The following LRFN1 variants were observed in gnomAD, a reference collection of about 807,000 sequenced individuals.
The protein encoded by LRFN1 is leucine-rich repeat and fibronectin type III domain-containing protein 1.
LRFN1 carries 20 observed loss-of-function variants against 31.8 expected under a neutral mutation model. The observed-to-expected ratio is 0.63, with a 90% CI of 0.44 to 0.91. The LOEUF (loss-of-function observed/expected upper bound fraction) is 0.91, where lower values mean the gene tolerates loss of function less well. Among genes scored for constraint, LRFN1 ranks in the 40% least tolerant of loss-of-function variants. The pLI, the probability that LRFN1 is intolerant of heterozygous loss-of-function variation, is 0.00. For missense variants in LRFN1, 912 were observed against 1,129.8 expected (o/e 0.81, Z 2.76); for synonymous variants, 514 against 541.3 (o/e 0.95, Z 0.70).
intron 4 of LRFN1, among the ~76,000 whole-genome samples, chr19:39,313,390 G>C (rs2075157618): frequency 6.6e-6 from 1 of 152,182 alleles, no homozygotes; most frequent in Non-Finnish European, 1.5e-5. Flanking sequence ...ACTTAGCTGG[G>C]TGTGTTGGTG....
Position 39,308,673 on chromosome 19 carries a change from G to A in LRFN1, c.1407-131C>T. On this transcript the variant is annotated intron_variant, in intron 4 of 4. Transcript: ENST00000248668. This position sits in a 1 kb window ranked among gnomAD's most constrained non-coding sequence, Gnocchi z 6.2. The stretch of plus-strand genomic sequence containing the variant: ...AGTCTCAGCCGCTACTGAGACAACA[G>A]CAGCAATTCAAGCCCCGCCTCCATC... 1.2e-6 allele frequency: 1 copy of A among 811,120 alleles called. No individual in the cohort carries two copies. Among genetic ancestry groups the A allele is most frequent in the Non-Finnish European group, 1.9e-6 (1 of 529,214 alleles). The allele number at this position is 811,120 out of a possible 1,614,324, so 50.2% of individuals were successfully genotyped here.
In LRFN1 at chr19:39,314,506, C is replaced by T. The variant is rs761845250; in HGVS notation, c.831G>A (p.Thr277=). The T allele has an allele frequency of 4.3e-6, 7 of 1,610,152 alleles. No individual in the cohort carries two copies. The highest frequency in any genetic ancestry group is 4.0e-5 in the African/African-American group (3 of 74,888). ...TREDDLETCA[T]PEHLTDRYFW... is the part of the protein sequence containing the mutation. ...AGTAGCGGTCGGTGAGGTGTTCGGG[C>T]GTGGCGCAGGTCTCTAAGTCGTCCT... Residue 277 remains threonine (T), a synonymous_variant, in exon 4 of 5, where the codon ACG becomes ACA. Transcript: ENST00000248668.
Position 39,315,036 on chromosome 19 carries a change from T to C in LRFN1, c.301A>G (p.Ile101Val), listed in dbSNP as rs747827993. The stretch of plus-strand genomic sequence containing the variant: ...AAGGCGCCAGCTGCCACCTGGCCGA[T>C]GGTGTTCCGGGAGAGAGTGAGGTGC... ...LVHLTLSRNT[I>V]GQVAAGAFAD... The change falls in exon 4 of 5, where the codon ATC (isoleucine) becomes GTC (valine). Residue 101 changes from isoleucine to valine, a missense_variant. Around this residue, in one of 2 missense-constraint regions of LRFN1, gnomAD observed 401 missense variants for 572.7 expected, o/e 0.70. Transcript: ENST00000248668. The surrounding 1 kb of genome is among the most constrained non-coding windows in gnomAD (Gnocchi z 4.7). 6.3e-7 allele frequency: 1 copy of C among 1,595,264 alleles called. No homozygotes were observed.
rs774943179 is a variant in LRFN1 at position 39,315,311 on chromosome 19, G to A, written c.26C>T (p.Ala9Val). ...GGCAGCGGGCGGCGGCGAGAGGAGG[G>A]CCGAGGAGAAGGGTCCTGGAGCCAT... is the stretch of plus-strand genomic sequence containing the variant. The part of the protein sequence containing the change: MAPGPFSS[A>V]LLSPPPAALP... The change falls in exon 4 of 5, where the codon GCC becomes GTC. Residue 9 changes from alanine to valine, a missense_variant. By Grantham distance (64) the Ala-to-Val change is moderately conservative. Transcript: ENST00000248668. This position sits in a 1 kb window ranked among gnomAD's most constrained non-coding sequence, Gnocchi z 4.7. 100 of 1,484,950 alleles carry A rather than the reference G, an allele frequency of 6.7e-5. No homozygotes were observed. In the East Asian group the frequency reaches 2.4e-3, roughly 35 times the overall value. 92.0% of individuals were successfully genotyped at this position (1,484,950 alleles called of 1,614,324 possible). A position where few individuals can be genotyped will look rare whatever the true frequency, so the allele number is the denominator to read the frequency against.
In LRFN1 at chr19:39,315,227, C is replaced by A; in HGVS notation, c.110G>T (p.Arg37Leu). 2 of 1,565,594 alleles carry A rather than the reference C, an allele frequency of 1.3e-6. No homozygotes were observed. Among genetic ancestry groups the A allele is most frequent in the Non-Finnish European group, 1.7e-6 (2 of 1,162,312 alleles). Reference sequence around the variant, plus strand: ...GGGCGCCACGTTCTGGCAGATGCAGCGGCCGGGGCAGGGCTGGCCACGAGA... The same window carrying A: ...GGGCGCCACGTTCTGGCAGATGCAGAGGCCGGGGCAGGGCTGGCCACGAGA... ...GASRGQPCPG[R>L]CICQNVAPTL... Residue 37 changes from arginine to leucine, a missense_variant, in exon 4 of 5, where the codon CGC becomes CTC. Arg to Leu is a moderately radical substitution (Grantham distance 102, BLOSUM62 -2). Around this residue, in one of 2 missense-constraint regions of LRFN1, gnomAD observed 401 missense variants for 572.7 expected, o/e 0.70. Coordinates refer to ENST00000248668, the MANE Select transcript of LRFN1 (RefSeq NM_020862.2). The surrounding 1 kb of genome is among the most constrained non-coding windows in gnomAD (Gnocchi z 4.7).
chr19:39,311,930 C>T (rs990453880), intron 4 of LRFN1, among the ~76,000 whole-genome samples: 31 of 140,890 alleles, frequency 2.2e-4, no homozygotes, highest in Admixed American at 4.4e-4. Flanking sequence ...CACCCAATGG[C>T]GCAATCTCCG....
At chr19:39,318,532 T>C (rs2075178705) in intron 1 of LRFN1, among the ~76,000 whole-genome samples, 174 bp from the exon 2 acceptor site, 2 of 152,120 alleles carry the variant, frequency 1.3e-5, no homozygotes, top group Non-Finnish European at 2.9e-5. Context: ...TCTGGAATCC[T>C]AGATTAGGCC....
chr19:39,306,730 AAC>A lies in LRFN1; in HGVS notation c.*901_*902del, dbSNP rs58972296. 13,281 of 134,602 alleles carry A rather than the reference AAC, an allele frequency of 0.099. 615 individuals are homozygous for A. Among genetic ancestry groups the A allele is most frequent in the African/African-American group, 0.11 (4,155 of 37,066 alleles). 8.3% of individuals were successfully genotyped at this position (134,602 alleles called of 1,614,324 possible). A position where few individuals can be genotyped will look rare whatever the true frequency, so the allele number is the denominator to read the frequency against. ...GCTGCAATCTAGGTCACCCTCCCCC[AAC>A]ACACACACACACACACACACACACA... On this transcript the variant is annotated 3_prime_UTR_variant, in exon 5 of 5. Transcript: ENST00000248668.
At chr19:39,310,939 C>G (rs1386524735) in intron 4 of LRFN1, among the ~76,000 whole-genome samples, 1 of 152,174 alleles carries the variant, frequency 6.6e-6, no homozygotes, top group African/African-American at 2.4e-5. Flanking sequence ...CCACTCTACC[C>G]ACCCCTGACT....
chr19:39,312,308 G>A (rs30479), intron 4 of LRFN1, among the ~76,000 whole-genome samples: 18,744 of 151,844 alleles, frequency 0.12, 2,668 homozygotes, highest in African/African-American at 0.35. Context: ...CCAGGAGCTG[G>A]GGCTCTCCAC....
At chr19:39,320,104 C>CT (rs1291177120) in intron 1 of LRFN1, among the ~76,000 whole-genome samples, 1 of 149,250 alleles carries the variant, frequency 6.7e-6, no homozygotes, top group African/African-American at 2.5e-5. Flanking sequence ...CGCCCATCCC[C>CT]CCCCCGCAAC....
At chr19:39,309,838 G>A (rs187830484) in intron 4 of LRFN1, among the ~76,000 whole-genome samples, 19 of 152,294 alleles carry the variant, frequency 1.2e-4, no homozygotes, top group African/African-American at 4.1e-4. Flanking sequence ...CCCTCCCCTC[G>A]AATGAAGACT....
At position 39,308,150 on chromosome 19, in the gene LRFN1, G is replaced by A. The variant is rs746474635; in HGVS notation, c.1799C>T (p.Pro600Leu). 1 of 1,542,144 alleles carries A rather than the reference G, an allele frequency of 6.5e-7. No homozygotes were observed. Among genetic ancestry groups the A allele is most frequent in the Non-Finnish European group, 8.7e-7 (1 of 1,146,216 alleles). ...GTGAAQAPAL[P>L]AQDHYEALRE... ...CAGCGCCTCGTAGTGGTCCTGGGCCGGCAGGGCCGGGGCCTGTGCCGCGCC... is the reference window on the plus strand; with the variant it reads ...CAGCGCCTCGTAGTGGTCCTGGGCCAGCAGGGCCGGGGCCTGTGCCGCGCC... The change falls in exon 5 of 5, where the codon CCG becomes CTG. Residue 600 changes from proline (P) to leucine (L), a missense_variant. Physicochemically the swap from Pro to Leu is moderately conservative, Grantham distance 98. This residue lies in a region of LRFN1 where 511 missense variants were observed against 557.0 expected (regional missense o/e 0.92). Transcript: ENST00000248668. The surrounding 1 kb of genome is among the most constrained non-coding windows in gnomAD (Gnocchi z 6.2).
At chr19:39,320,350 AC>A (rs1230593208) in intron 1 of LRFN1, among the ~76,000 whole-genome samples, 1 of 150,642 alleles carries the variant, frequency 6.6e-6, no homozygotes, top group African/African-American at 2.4e-5. Context: ...ACAAATGGAC[AC>A]CCGAGCGGGC....
At chr19:39,310,932 C>T (rs1459940822) in intron 4 of LRFN1, among the ~76,000 whole-genome samples, 1 of 152,164 alleles carries the variant, frequency 6.6e-6, no homozygotes, top group Non-Finnish European at 1.5e-5. Flanking sequence ...TCCAACTCCA[C>T]TCTACCCACC....
intron 1 of LRFN1, among the ~76,000 whole-genome samples, chr19:39,319,889 C>T (rs1336857843): frequency 6.6e-6 from 1 of 152,156 alleles, no homozygotes; most frequent in Non-Finnish European, 1.5e-5. Context: ...TCAAGGAGAT[C>T]CTCCCACCAG....
In LRFN1 at chr19:39,307,907, G is replaced by A; in HGVS notation, c.2042C>T (p.Thr681Ile). 6.4e-7 allele frequency: 1 copy of A among 1,567,234 alleles called. No individual in the cohort carries two copies. Among genetic ancestry groups the A allele is most frequent in the Non-Finnish European group, 8.6e-7 (1 of 1,163,944 alleles). The change falls in exon 5 of 5, where the codon ACC (threonine) becomes ATC (isoleucine). Residue 681 changes from threonine (T) to isoleucine (I), a missense_variant. By Grantham distance (89) the Thr-to-Ile change is moderately conservative. Coordinates refer to ENST00000248668, the MANE Select transcript of LRFN1 (RefSeq NM_020862.2). This position sits in a 1 kb window ranked among gnomAD's most constrained non-coding sequence, Gnocchi z 6.7. ...TAGAGCTAGAGTAGGGGGCGCCGAG[G>A]TTGGTGGCTCCAGGGCGCCGGATCG... ...RSRSGALEPP[T>I]SAPPTLALVP...
intron 1 of LRFN1, among the ~76,000 whole-genome samples, chr19:39,319,876 G>C (rs532587129): frequency 2.5e-4 from 38 of 152,252 alleles, no homozygotes; most frequent in African/African-American, 8.7e-4. Context: ...CTAGATCACC[G>C]TTTCAAGGAG....
Position 39,307,909 on chromosome 19 carries a change from T to A in LRFN1, c.2040A>T (p.Pro680=). 1 of 1,566,996 alleles carries A rather than the reference T, an allele frequency of 6.4e-7. No individual in the cohort carries two copies. The highest frequency in any genetic ancestry group is 8.6e-7 in the Non-Finnish European group (1 of 1,163,882). Residue 680 remains proline, a synonymous_variant, in exon 5 of 5, where the codon CCA becomes CCT. Transcript: ENST00000248668. The surrounding 1 kb of genome is among the most constrained non-coding windows in gnomAD (Gnocchi z 6.7). ...RRSRSGALEP[P]TSAPPTLALV... The stretch of plus-strand genomic sequence containing the variant: ...GAGCTAGAGTAGGGGGCGCCGAGGT[T>A]GGTGGCTCCAGGGCGCCGGATCGGC...
Sources: gnomAD v4.1 joint callset for allele counts (sites outside exome capture counted in the v4.1 genomes callset) on GRCh38, gnomAD v4.1.1 for gene constraint, gnomAD v4.1.1 regional missense constraint, Gnocchi (gnomAD v3.1) non-coding constraint, MANE v1.5 for transcripts, NCBI Gene and HGNC (gene_info 2026-07-23, HGNC 2026-07-21) for gene names.